PRSS1: variants seen among roughly 807,000 people sequenced by gnomAD.
The protein encoded by PRSS1 is TCR V beta 4.1.
Under a neutral mutation model 24.2 loss-of-function variants are expected in PRSS1, and 22 were observed. The ratio of observed to expected loss-of-function variants is 0.91; its 90% CI spans 0.65 to 1.30. The LOEUF is 1.30. Ranked by LOEUF, PRSS1 falls within the 50% of genes most tolerant of loss-of-function variation. PRSS1 has a pLI of 0.00. For missense variants in PRSS1, 366 were observed against 304.2 expected, an observed-to-expected ratio of 1.20 and a Z score of -1.51; for synonymous variants, 126 against 116.1, an observed-to-expected ratio of 1.08 and a Z score of -0.55.
intron 1 of PRSS1, 114 bp from the exon 2 acceptor site, chr7:142,750,441 C>A: frequency 6.4e-7 from 1 of 1,573,742 alleles, no homozygotes. Flanking sequence ...CCTCCCTTGC[C>A]TAGCCTCACT....
intron 3 of PRSS1, 49 bp downstream of exon 3, chr7:142,752,076 C>T (rs1798786813): frequency 6.2e-7 from 1 of 1,612,894 alleles, no homozygotes. Flanking sequence ...TCACAATTTC[C>T]AGAACAAACC....
chr7:142,752,137 G>A, intron 3 of PRSS1, 110 bp downstream of exon 3: 3 of 1,530,552 alleles, frequency 2.0e-6, no homozygotes, highest in Non-Finnish European at 2.7e-6. Context: ...CACATTTCGA[G>A]TGCCCATTAC....
rs1352960339 is a variant in PRSS1 at position 142,752,075 on chromosome 7, C to G, written c.454+48C>G. 1.9e-6 allele frequency: 3 copies of G among 1,612,776 alleles called. No individual in the cohort carries two copies. The African/African-American group carries it at 4.0e-5, about 22-fold the overall frequency. On this transcript the variant is annotated intron_variant, in intron 3 of 4. Coordinates refer to ENST00000311737, the MANE Select transcript of PRSS1 (RefSeq NM_002769.5). ...CTACTTCCCTCCATCCTCACAATTT[C>G]CAGAACAAACCATGCCCCTTAACTT...
intron 2 of PRSS1, 106 bp downstream of exon 2, chr7:142,750,820 G>C (rs770645168): frequency 3.0e-5 from 47 of 1,560,984 alleles, no homozygotes; most frequent in Admixed American, 3.4e-5. Context: ...TGGGAGAGGT[G>C]GTGGAGAAGA....
chr7:142,751,679 T>C, intron 2 of PRSS1, 95 bp from the exon 3 acceptor site: 1 of 1,612,010 alleles, frequency 6.2e-7, no homozygotes, highest in Non-Finnish European at 8.5e-7. Flanking sequence ...CCTCCAGAGC[T>C]GTCCATGAGC....
intron 4 of PRSS1, 78 bp from the exon 5 acceptor site, chr7:142,752,790 G>C: frequency 1.3e-6 from 2 of 1,564,614 alleles, no homozygotes; most frequent in Non-Finnish European, 1.8e-6. Flanking sequence ...GCTGGAAAGG[G>C]GTCTTTTAAG....
intron 1 of PRSS1, among the ~76,000 whole-genome samples, chr7:142,749,837 A>G (rs143993040): frequency 4.4e-3 from 674 of 152,298 alleles, no homozygotes; most frequent in African/African-American, 0.015. Flanking sequence ...GCAACAGAAT[A>G]GCACCACTAT....
rs1563261128 is a variant in PRSS1 at position 142,751,867 on chromosome 7, A to G, written c.294A>G (p.Gln98=). ...CAGCCAAGATCATCCGCCACCCCCA[A>G]TACGACAGGAAGACTCTGAACAATG... ...INAAKIIRHP[Q]YDRKTLNNDI... is the part of the protein sequence containing the mutation. Residue 98 remains glutamine (Q), a synonymous_variant, in exon 3 of 5, where the codon CAA becomes CAG. Transcript: ENST00000311737. 2 of 1,614,006 alleles carry G rather than the reference A, an allele frequency of 1.2e-6. No individual in the cohort carries two copies. The highest frequency in any genetic ancestry group is 1.7e-6 in the Non-Finnish European group (2 of 1,180,000).
rs1239083612 is a variant in PRSS1, at chr7:142,752,509, A to G, written c.533A>G (p.Lys178Arg). 1.2e-6 allele frequency: 2 copies of G among 1,614,208 alleles called. No individual in the cohort carries two copies. Among genetic ancestry groups the G allele is most frequent in the East Asian group, 2.2e-5 (1 of 44,876 alleles). ...QAKCEASYPG[K>R]ITSNMFCVGF... is the part of the protein sequence containing the mutation. ...AAGTGTGAAGCCTCCTACCCTGGAA[A>G]GATTACCAGCAACATGTTCTGTGTG... Residue 178 changes from lysine to arginine, a missense_variant, in exon 4 of 5, where the codon AAG becomes AGG. Transcript: ENST00000311737.
chr7:142,750,001 A>G (rs1286043406), intron 1 of PRSS1, among the ~76,000 whole-genome samples: 2 of 152,210 alleles, frequency 1.3e-5, no homozygotes, highest in East Asian at 3.9e-4. Flanking sequence ...CCAGCCATGC[A>G]GCCAAGGTTA....
At chr7:142,751,707 T>C (rs116058908) in intron 2 of PRSS1, 67 bp from the exon 3 acceptor site, 1 of 1,613,736 alleles carries the variant, frequency 6.2e-7, no homozygotes, top group Non-Finnish European at 8.5e-7. Context: ...TTGAGGAACC[T>C]GGGGAAGGTG....
chr7:142,752,426 C>G lies in PRSS1; in HGVS notation c.455-5C>G, dbSNP rs1332956665. Reference sequence around the variant, plus strand: ...CTTCCTTTGATCTCTTCCTGATCCTCACAGCCGACTACCCAGACGAGCTGC... The same window carrying G: ...CTTCCTTTGATCTCTTCCTGATCCTGACAGCCGACTACCCAGACGAGCTGC... On this transcript the variant is annotated splice_polypyrimidine_tract_variant and splice_region_variant and intron_variant, in intron 3 of 4. Transcript: ENST00000311737. 1 of 1,613,954 alleles carries G rather than the reference C, an allele frequency of 6.2e-7. No homozygotes were observed. Among genetic ancestry groups the G allele is most frequent in the South Asian group, 1.1e-5 (1 of 91,070 alleles).
Position 142,749,481 on chromosome 7 carries a change from C to G in PRSS1, c.-4C>G. ...CCACCACCAGTCAGGCACACTCTACCACCATGAATCCACTCCTGATCCTTA... is the reference window on the plus strand; with the variant it reads ...CCACCACCAGTCAGGCACACTCTACGACCATGAATCCACTCCTGATCCTTA... On this transcript the variant is annotated 5_prime_UTR_variant, in exon 1 of 5. Transcript: ENST00000311737. 6.2e-7 allele frequency: 1 copy of G among 1,614,180 alleles called. No homozygotes were observed. The highest frequency in any genetic ancestry group is 8.5e-7 in the Non-Finnish European group (1 of 1,180,010).
At position 142,751,830 on chromosome 7, in the gene PRSS1, A is replaced by C; in HGVS notation, c.257A>C (p.Gln86Pro). Reference protein sequence around the residue: ...HNIEVLEGNEQFINAAKIIRH... With the variant: ...HNIEVLEGNEPFINAAKIIRH... ...ATCGAAGTCCTGGAGGGGAATGAGC[A>C]GTTCATCAATGCAGCCAAGATCATC... Residue 86 changes from glutamine (Q) to proline (P), a missense_variant, in exon 3 of 5, where the codon CAG becomes CCG. Transcript: ENST00000311737. The C allele has an allele frequency of 6.2e-7, 1 of 1,614,152 alleles. No homozygotes were observed. The highest frequency in any genetic ancestry group is 8.5e-7 in the Non-Finnish European group (1 of 1,180,022).
rs141011596 is a variant in PRSS1, at chr7:142,751,964, G to T, written c.391G>T (p.Ala131Ser). Residue 131 changes from alanine to serine, a missense_variant, in exon 3 of 5, where the codon GCC becomes TCC. Ala to Ser is a moderately conservative substitution (Grantham distance 99). Transcript: ENST00000311737. ...ARVSTISLPTAPPATGTKCLI... is the reference protein window; with the variant it reads ...ARVSTISLPTSPPATGTKCLI... ...CGTGTCCACCATCTCTCTGCCCACC[G>T]CCCCTCCAGCCACTGGCACGAAGTG... The T allele has an allele frequency of 2.5e-6, 4 of 1,613,658 alleles. No homozygotes were observed. Among genetic ancestry groups the T allele is most frequent in the African/African-American group, 2.7e-5 (2 of 74,832 alleles).
chr7:142,753,018 T>C lies in PRSS1; in HGVS notation c.742T>C (p.Ter248GlnextTer?). The change falls in exon 5 of 5, where the codon TAA becomes CAA. Residue 248 changes from the stop codon to glutamine (Q), a stop_lost. Transcript: ENST00000311737. ...TAAGAACACCATAGCTGCCAATAGC[T>C]AAAGCCCCCAGTATCTCTTCAGTCT... ...WIKNTIAANS[*>Q] The C allele has an allele frequency of 6.2e-7, 1 of 1,613,384 alleles. No individual in the cohort carries two copies. Among genetic ancestry groups the C allele is most frequent in the Middle Eastern group, 1.7e-4 (1 of 6,060 alleles).
chr7:142,749,523 T>C lies in PRSS1; in HGVS notation c.39T>C (p.Ala13=). The C allele has an allele frequency of 6.2e-7, 1 of 1,614,104 alleles. No individual in the cohort carries two copies. The highest frequency in any genetic ancestry group is 8.5e-7 in the Non-Finnish European group (1 of 1,180,004). ...TGATCCTTACCTTTGTGGCAGCTGCTCGTGAGTATCATGCCCTGCCTCAGG... is the reference window on the plus strand; with the variant it reads ...TGATCCTTACCTTTGTGGCAGCTGCCCGTGAGTATCATGCCCTGCCTCAGG... ...PLLILTFVAA[A]LAAPFDDDDK... Residue 13 remains alanine, a splice_region_variant and synonymous_variant, in exon 1 of 5, where the codon GCT becomes GCC. Transcript: ENST00000311737.
In PRSS1 at chr7:142,749,579, A is replaced by C. The variant is rs370819475; in HGVS notation, c.40+55A>C. On this transcript the variant is annotated intron_variant, in intron 1 of 4. Coordinates refer to ENST00000311737, the MANE Select transcript of PRSS1 (RefSeq NM_002769.5). Reference sequence around the variant, plus strand: ...ACCACCCCCCCGTTCCTGGCCGACAAATGCCCTTCCATTCTTACCACCTCT... The same window carrying C: ...ACCACCCCCCCGTTCCTGGCCGACACATGCCCTTCCATTCTTACCACCTCT... 2.0e-3 allele frequency: 2,894 copies of C among 1,447,552 alleles called. 58 individuals carry two copies. The South Asian group carries it at 0.032, about 16-fold the overall frequency. 89.7% of individuals were successfully genotyped at this position (1,447,552 alleles called of 1,614,324 possible). A position where few individuals can be genotyped will look rare whatever the true frequency, so the allele number is the denominator to read the frequency against.
intron 2 of PRSS1, chr7:142,751,099 G>A (rs770502723): frequency 4.3e-6 from 3 of 702,646 alleles, no homozygotes; most frequent in African/African-American, 1.7e-5. Flanking sequence ...CAGGAAGAGG[G>A]TGTGAATATC....
Sources: gnomAD v4.1 joint callset for allele counts (sites outside exome capture counted in the v4.1 genomes callset) on GRCh38, gnomAD v4.1.1 for gene constraint, MANE v1.5 for transcripts, NCBI Gene and HGNC (gene_info 2026-07-23, HGNC 2026-07-21) for gene names.